NDUFS4: variants seen among roughly 807,000 people sequenced by gnomAD.
NDUFS4 encodes NADH:ubiquinone oxidoreductase subunit S4.
Under a neutral mutation model 24.3 loss-of-function variants are expected in NDUFS4, and 28 were observed. The ratio of observed to expected loss-of-function variants is 1.15; its 90% confidence interval spans 0.85 to 1.58. NDUFS4 has a LOEUF of 1.58. Among genes scored for constraint, NDUFS4 ranks in the 40% most tolerant of loss-of-function variants. The probability of loss-of-function intolerance (pLI) is 0.00; values close to 1 mark genes in which losing one functional copy is unlikely to be tolerated. For synonymous variants in NDUFS4, 93 were observed against 69.7 expected (o/e 1.34, Z -1.67); for missense variants, 223 against 207.9 (o/e 1.07, Z -0.45).
At chr5:53,599,043 T>C (rs1750226367) in intron 1 of NDUFS4, among the ~76,000 whole-genome samples, 1 of 152,154 alleles carries the variant, frequency 6.6e-6, no homozygotes, top group Non-Finnish European at 1.5e-5. Context: ...TTGTCAAAAA[T>C]GAATATTAAA....
intron 2 of NDUFS4, among the ~76,000 whole-genome samples, chr5:53,631,812 C>G (rs1055484233): frequency 6.6e-6 from 1 of 152,208 alleles, no homozygotes; most frequent in Non-Finnish European, 1.5e-5. Flanking sequence ...CTTTCATGGG[C>G]TTCATGGGCA....
intron 1 of NDUFS4, among the ~76,000 whole-genome samples, chr5:53,591,299 G>A (rs963396246): frequency 3.9e-5 from 6 of 152,090 alleles, no homozygotes; most frequent in African/African-American, 1.2e-4. Flanking sequence ...ATCCCAAAGT[G>A]AAGCTGCTGG....
At chr5:53,677,892 T>C (rs1358946356) in intron 4 of NDUFS4, among the ~76,000 whole-genome samples, 1 of 152,224 alleles carries the variant, frequency 6.6e-6, no homozygotes, top group Non-Finnish European at 1.5e-5. Flanking sequence ...ATTAGGTTAT[T>C]AGAGAAGACA....
chr5:53,578,326 A>G (rs1348442496), intron 1 of NDUFS4, among the ~76,000 whole-genome samples: 1 of 152,106 alleles, frequency 6.6e-6, no homozygotes, highest in African/African-American at 2.4e-5. Context: ...TTAAAGTTCA[A>G]ATTCTTATTG....
rs147236121 is a variant in NDUFS4 at position 53,565,426 on chromosome 5, C to G, written c.98+4666C>G. 3.9e-5 allele frequency among the ~76,000 whole-genome samples: 6 copies of G among 152,206 alleles called. No homozygotes were observed. In the East Asian group the frequency reaches 1.2e-3, roughly 29 times the overall value. On this transcript the variant is annotated intron_variant, in intron 1 of 4. Transcript: ENST00000296684. ...GTCGCAAGCTTTTTGAGGACACAACCACATTTTTGTTTATTTGTGTGTACT... is the reference window on the plus strand; with the variant it reads ...GTCGCAAGCTTTTTGAGGACACAACGACATTTTTGTTTATTTGTGTGTACT...
At position 53,585,886 on chromosome 5, in the gene NDUFS4, CTTTTG is replaced by C. The variant is rs1749737148; in HGVS notation, c.99-17560_99-17556del. ...TACATTTCTGAGTTGATAGTTTTTT[CTTTTG>C]TTTTGAAACTATTGGAATTTTCTAT... On this transcript the variant is annotated intron_variant, in intron 1 of 4. Transcript: ENST00000296684. Among the ~76,000 whole-genome samples, 3 of 150,900 alleles carry C rather than the reference CTTTTG, an allele frequency of 2.0e-5. No individual in the cohort carries two copies. The South Asian group carries it at 6.2e-4, about 31-fold the overall frequency.
intron 2 of NDUFS4, among the ~76,000 whole-genome samples, chr5:53,630,654 C>T (rs1751385553): frequency 6.6e-6 from 1 of 152,082 alleles, no homozygotes; most frequent in Non-Finnish European, 1.5e-5. Flanking sequence ...GATATCCTTT[C>T]TTCAGCTTGA....
chr5:53,578,227 A>G (rs867353993), intron 1 of NDUFS4, among the ~76,000 whole-genome samples: 1 of 152,156 alleles, frequency 6.6e-6, no homozygotes, highest in African/African-American at 2.4e-5. Flanking sequence ...GATGAAGTCC[A>G]TGGTTTATGT....
At chr5:53,588,984 T>TA (rs528652243) in intron 1 of NDUFS4, among the ~76,000 whole-genome samples, 8 of 148,880 alleles carry the variant, frequency 5.4e-5, no homozygotes, top group South Asian at 2.1e-4. Context: ...ATAGCCATCT[T>TA]AAAAAAAAAA....
At chr5:53,679,644 G>A (rs556748362) in intron 4 of NDUFS4, among the ~76,000 whole-genome samples, 3 of 152,230 alleles carry the variant, frequency 2.0e-5, no homozygotes, top group Admixed American at 1.3e-4. Context: ...TCTACCTGGC[G>A]GCTGAAAGGG....
rs530595974 is a variant in NDUFS4, at chr5:53,683,252, T to G, written c.*31T>G. On this transcript the variant is annotated 3_prime_UTR_variant, in exon 5 of 5. Transcript: ENST00000296684. ...CACTGACTATATCTCTGCTTGACTG[T>G]GAATAAAGTCAGCTGTGCAGTATTT... 1 of 1,447,926 alleles carries G rather than the reference T, an allele frequency of 6.9e-7. No homozygotes were observed. The highest frequency in any genetic ancestry group is 1.7e-5 in the Admixed American group (1 of 59,566). 89.7% of individuals were successfully genotyped at this position (1,447,926 alleles called of 1,614,324 possible).
intron 2 of NDUFS4, among the ~76,000 whole-genome samples, chr5:53,609,682 A>T (rs570816391): frequency 6.6e-6 from 1 of 152,310 alleles, no homozygotes; most frequent in East Asian, 1.9e-4. Flanking sequence ...AAGGCTGTAC[A>T]TTGAAAATCT....
chr5:53,652,953 A>C (rs1341929468), intron 3 of NDUFS4, among the ~76,000 whole-genome samples: 6 of 151,074 alleles, frequency 4.0e-5, no homozygotes, highest in African/African-American at 1.5e-4. Flanking sequence ...TTTTTTTTAC[A>C]ATCTTTTATC....
intron 2 of NDUFS4, among the ~76,000 whole-genome samples, chr5:53,613,778 T>C (rs1278035182): frequency 6.6e-6 from 1 of 151,034 alleles, no homozygotes; most frequent in African/African-American, 2.4e-5. Flanking sequence ...AGTGAAATGG[T>C]CATTCCTTAA....
chr5:53,592,066 G>A (rs557389349), intron 1 of NDUFS4, among the ~76,000 whole-genome samples: 41 of 152,106 alleles, frequency 2.7e-4, no homozygotes, highest in Non-Finnish European at 4.4e-4. Context: ...AGCCTCTTGA[G>A]TAGCTGGAAT....
chr5:53,577,304 T>C (rs1257011783), intron 1 of NDUFS4, among the ~76,000 whole-genome samples: 1 of 152,144 alleles, frequency 6.6e-6, no homozygotes, highest in Non-Finnish European at 1.5e-5. Context: ...AAGCTATACT[T>C]GTGCTTCTGA....
intron 1 of NDUFS4, 54 bp from the exon 2 acceptor site, chr5:53,603,397 CT>C: frequency 9.2e-7 from 1 of 1,090,742 alleles, no homozygotes; most frequent in Non-Finnish European, 1.3e-6. Flanking sequence ...TAAGATTTGT[CT>C]GTCTCTCCTC....
At position 53,676,843 on chromosome 5, in the gene NDUFS4, A is replaced by C. The variant is rs1247389320; in HGVS notation, c.425-6275A>C. Among the ~76,000 whole-genome samples the C allele has an allele frequency of 3.5e-4, 53 of 150,050 alleles. 2 individuals carry two copies. The highest frequency in any genetic ancestry group is 3.4e-3 in the Admixed American group (51 of 15,006). ...AATAAACTTTACGTGAATTCATGAA[A>C]GATTTTTTTTTTCATAGATAGCTTT... is the stretch of plus-strand genomic sequence containing the variant. On this transcript the variant is annotated intron_variant, in intron 4 of 4. Coordinates refer to ENST00000296684, the MANE Select transcript of NDUFS4 (RefSeq NM_002495.4).
intron 3 of NDUFS4, among the ~76,000 whole-genome samples, chr5:53,655,112 T>C (rs1169164348): frequency 2.6e-5 from 4 of 152,236 alleles, no homozygotes; most frequent in Admixed American, 2.6e-4. Flanking sequence ...GTGTACAACG[T>C]ATTATTTTGC....
Sources: gnomAD v4.1 joint callset for allele counts (sites outside exome capture counted in the v4.1 genomes callset) on GRCh38, gnomAD v4.1.1 for gene constraint, MANE v1.5 for transcripts, NCBI Gene and HGNC (gene_info 2026-07-23, HGNC 2026-07-21) for gene names.